MICU3: variants seen among roughly 807,000 people sequenced by gnomAD.
The protein encoded by MICU3 is mitochondrial calcium uptake 3, also known as calcium uptake protein 3, mitochondrial.
Under a neutral mutation model 66.5 loss-of-function variants are expected in MICU3, and 62 were observed. The observed-to-expected ratio is 0.93, with a 90% confidence interval of 0.76 to 1.15. MICU3 has a LOEUF of 1.15. Among genes scored for constraint, MICU3 ranks in the 50% most tolerant of loss-of-function variants. MICU3 has a pLI of 0.00. For missense variants in MICU3, 779 were observed against 664.4 expected, an observed-to-expected ratio of 1.17 and a Z score of -1.90; for synonymous variants, 308 against 240.7, an observed-to-expected ratio of 1.28 and a Z score of -2.59.
intron 1 of MICU3, among the ~76,000 whole-genome samples, chr8:17,059,800 A>G (rs1305302509): frequency 1.3e-5 from 2 of 152,216 alleles, no homozygotes; most frequent in African/African-American, 2.4e-5. Flanking sequence ...TTTAAAATTT[A>G]TATGAAGAAA....
chr8:17,106,426 A>C (rs1277009204), intron 11 of MICU3, among the ~76,000 whole-genome samples: 1 of 151,876 alleles, frequency 6.6e-6, no homozygotes, highest in African/African-American at 2.4e-5. Flanking sequence ...TCTGTTGTAC[A>C]TGTTAAACGG....
rs547706539 is a variant in MICU3 at position 17,029,297 on chromosome 8, G to A, written c.381+1637G>A. 9.9e-5 allele frequency among the ~76,000 whole-genome samples: 15 copies of A among 152,234 alleles called. No homozygotes were observed. In the South Asian group the frequency reaches 2.3e-3, roughly 23 times the overall value. Reference sequence around the variant, plus strand: ...TCGAGACAAGCCTGGCCAACATGGCGAAACCTCGTCTCTACTAAAAATACA... The same window carrying A: ...TCGAGACAAGCCTGGCCAACATGGCAAAACCTCGTCTCTACTAAAAATACA... On this transcript the variant is annotated intron_variant, in intron 1 of 14. Coordinates refer to ENST00000318063, the MANE Select transcript of MICU3 (RefSeq NM_181723.3).
downstream of MICU3, among the ~76,000 whole-genome samples, chr8:17,124,421 AT>A (rs1373917726): frequency 1.3e-5 from 2 of 152,092 alleles, no homozygotes; most frequent in African/African-American, 4.8e-5. Flanking sequence ...CTATACATGC[AT>A]GGTTAATATA....
At chr8:17,069,044 G>T (rs918016270) in intron 2 of MICU3, among the ~76,000 whole-genome samples, 1 of 152,034 alleles carries the variant, frequency 6.6e-6, no homozygotes. Context: ...GATCTTTGGG[G>T]GTGTGAGGAG....
intron 14 of MICU3, among the ~76,000 whole-genome samples, chr8:17,119,106 C>T (rs1264656560): frequency 6.6e-6 from 1 of 152,112 alleles, no homozygotes; most frequent in Non-Finnish European, 1.5e-5. Context: ...TTGTCTGGCA[C>T]TATATTAAGT....
intron 3 of MICU3, among the ~76,000 whole-genome samples, chr8:17,071,523 G>T (rs535034274): frequency 2.6e-5 from 4 of 152,022 alleles, no homozygotes. Context: ...AAAACAGTCA[G>T]ATTCTGAGGT....
At chr8:17,054,513 C>G (rs1816592160) in intron 1 of MICU3, among the ~76,000 whole-genome samples, 2 of 152,002 alleles carry the variant, frequency 1.3e-5, no homozygotes, top group South Asian at 2.1e-4. Flanking sequence ...AGGAATAATT[C>G]AGTTGCATAA....
intron 9 of MICU3, among the ~76,000 whole-genome samples, chr8:17,102,125 G>T (rs1801315636): frequency 6.6e-6 from 1 of 151,652 alleles, no homozygotes; most frequent in African/African-American, 2.4e-5. Context: ...CACAGTACTG[G>T]CTATTTGTGA....
At chr8:17,092,573 T>A (rs1195632713) in intron 8 of MICU3, among the ~76,000 whole-genome samples, 3 of 152,064 alleles carry the variant, frequency 2.0e-5, no homozygotes, top group African/African-American at 7.2e-5. Flanking sequence ...TGATGTCATT[T>A]TTACATAGTC....
chr8:17,088,753 AAG>A (rs1019536236), intron 7 of MICU3, among the ~76,000 whole-genome samples: 33 of 152,114 alleles, frequency 2.2e-4, no homozygotes, highest in African/African-American at 7.9e-4. Flanking sequence ...GGAGATAAAA[AAG>A]AGAAAAATAT....
At chr8:17,115,498 T>C (rs1015672477) in intron 12 of MICU3, among the ~76,000 whole-genome samples, 4 of 152,068 alleles carry the variant, frequency 2.6e-5, no homozygotes, top group African/African-American at 9.7e-5. Context: ...AACTGGAAAA[T>C]GAAAAAAATT....
chr8:17,045,467 C>T (rs886950159), intron 1 of MICU3, among the ~76,000 whole-genome samples: 2 of 152,140 alleles, frequency 1.3e-5, no homozygotes, highest in African/African-American at 2.4e-5. Context: ...ACATGGTTTT[C>T]CATGTTTTAG....
chr8:17,127,263 A>G (rs1394644352), downstream of MICU3, among the ~76,000 whole-genome samples: 1 of 152,204 alleles, frequency 6.6e-6, no homozygotes. Context: ...CAAGTAAGTG[A>G]GTATCTTATG....
At chr8:17,119,622 A>C (rs1803036984) in intron 14 of MICU3, among the ~76,000 whole-genome samples, 1 of 152,100 alleles carries the variant, frequency 6.6e-6, no homozygotes, top group African/African-American at 2.4e-5. Flanking sequence ...GCATACTTAA[A>C]AAAAAAAGTT....
intron 12 of MICU3, among the ~76,000 whole-genome samples, chr8:17,115,104 G>A (rs1802560034): frequency 7.7e-6 from 1 of 129,132 alleles, no homozygotes; most frequent in African/African-American, 3.2e-5. Context: ...GGGCGACAGA[G>A]CGAGACTCCG....
At chr8:17,071,980 A>G (rs553955149) in intron 3 of MICU3, among the ~76,000 whole-genome samples, 150 of 152,306 alleles carry the variant, frequency 9.8e-4, no homozygotes, top group Middle Eastern at 6.8e-3. Flanking sequence ...AAATCTATCT[A>G]TAAATTCAAT....
intron 5 of MICU3, among the ~76,000 whole-genome samples, chr8:17,083,390 G>T (rs917497206): frequency 6.6e-6 from 1 of 152,074 alleles, no homozygotes; most frequent in African/African-American, 2.4e-5. Context: ...TTCTAATCTT[G>T]TGGCTAATTT....
chr8:17,067,464 C>T (rs1053029400), intron 2 of MICU3, among the ~76,000 whole-genome samples: 4 of 151,428 alleles, frequency 2.6e-5, no homozygotes, highest in Non-Finnish European at 5.9e-5. Context: ...GAGACTCGCT[C>T]TGTCAACTAG....
rs115840956 is a variant in MICU3 at position 17,050,566 on chromosome 8, C to T, written c.382-13518C>T. On this transcript the variant is annotated intron_variant, in intron 1 of 14. Coordinates refer to ENST00000318063, the MANE Select transcript of MICU3 (RefSeq NM_181723.3). ...AGATCCTTTTTCTTATTTGGCTTCT[C>T]TATTTGATCTGTCCATTTCTAGTTG... 6.0e-3 allele frequency among the ~76,000 whole-genome samples: 919 copies of T among 152,186 alleles called. 9 individuals carry two copies. Among genetic ancestry groups the T allele is most frequent in the African/African-American group, 0.021 (870 of 41,530 alleles).
Sources: gnomAD v4.1 joint callset for allele counts (sites outside exome capture counted in the v4.1 genomes callset) on GRCh38, gnomAD v4.1.1 for gene constraint, MANE v1.5 for transcripts, NCBI Gene and HGNC (gene_info 2026-07-23, HGNC 2026-07-21) for gene names.